The following IL1RAP variants were observed in gnomAD, a reference collection of about 807,000 sequenced individuals.
IL1RAP encodes interleukin-1 receptor accessory protein.
In IL1RAP, 35 loss-of-function variants were observed where a neutral mutation model predicts 60.7. The ratio of observed to expected loss-of-function variants is 0.58; its 90% confidence interval spans 0.44 to 0.76. IL1RAP has a LOEUF of 0.76. Ranked by LOEUF, IL1RAP falls within the 30% of genes least tolerant of loss-of-function variation. IL1RAP has a pLI of 0.00. For synonymous variants in IL1RAP, 268 were observed against 250.9 expected, an observed-to-expected ratio of 1.07 and a Z score of -0.64; for missense variants, 572 against 693.9, an observed-to-expected ratio of 0.82 and a Z score of 1.97.
intron 3 of IL1RAP, among the ~76,000 whole-genome samples, chr3:190,581,284 G>T (rs569685972): frequency 5.3e-5 from 8 of 152,290 alleles, no homozygotes; most frequent in South Asian, 2.1e-4. Context: ...GATAGTATCA[G>T]CCCTGCATAC....
chr3:190,646,888 G>A (rs1189841960), intron 11 of IL1RAP, among the ~76,000 whole-genome samples: 2 of 152,038 alleles, frequency 1.3e-5, no homozygotes, highest in Admixed American at 6.6e-5. Flanking sequence ...ATTTTTCCAG[G>A]AAGTTATGAC....
intron 1 of IL1RAP, among the ~76,000 whole-genome samples, chr3:190,530,666 C>T (rs1368782761): frequency 1.3e-5 from 2 of 152,134 alleles, no homozygotes; most frequent in East Asian, 1.9e-4. Flanking sequence ...ATTAGAACAT[C>T]GGCTTAAATG....
chr3:190,634,259 T>A (rs1171194923), intron 9 of IL1RAP, among the ~76,000 whole-genome samples: 1 of 152,062 alleles, frequency 6.6e-6, no homozygotes, highest in African/African-American at 2.4e-5. Context: ...ACTAATATTT[T>A]GTCACAGATT....
intron 9 of IL1RAP, 187 bp downstream of exon 9, chr3:190,629,685 GT>G (rs1471007570): frequency 3.0e-6 from 4 of 1,314,824 alleles, no homozygotes; most frequent in Non-Finnish European, 3.9e-6. Context: ...TCAAAATATT[GT>G]TTCTGATATT....
chr3:190,592,285 T>C (rs1172961225), intron 3 of IL1RAP, among the ~76,000 whole-genome samples: 1 of 152,202 alleles, frequency 6.6e-6, no homozygotes, highest in Non-Finnish European at 1.5e-5. Context: ...CAGAATTCAT[T>C]ATGTGGGCTT....
chr3:190,572,779 C>T (rs1386773358), intron 3 of IL1RAP, among the ~76,000 whole-genome samples: 1 of 150,888 alleles, frequency 6.6e-6, no homozygotes, highest in Non-Finnish European at 1.5e-5. Flanking sequence ...AAATAGAAAC[C>T]TTAAATATTC....
intron 5 of IL1RAP, among the ~76,000 whole-genome samples, chr3:190,617,579 A>G (rs1462705603): frequency 1.3e-5 from 2 of 152,094 alleles, no homozygotes; most frequent in Non-Finnish European, 2.9e-5. Flanking sequence ...CTTACTGTTC[A>G]CTCATTTCTT....
chr3:190,585,738 G>A (rs889787524), intron 3 of IL1RAP, among the ~76,000 whole-genome samples: 3 of 152,008 alleles, frequency 2.0e-5, no homozygotes, highest in Admixed American at 2.0e-4. Flanking sequence ...CTTGAACCCG[G>A]GAGGCTGAGG....
At chr3:190,532,388 G>A (rs978344295) in intron 1 of IL1RAP, among the ~76,000 whole-genome samples, 7 of 150,642 alleles carry the variant, frequency 4.6e-5, no homozygotes, top group South Asian at 2.1e-4. Flanking sequence ...TCAGCCTCCC[G>A]AGTAGCTGGG....
intron 3 of IL1RAP, among the ~76,000 whole-genome samples, chr3:190,567,467 G>T (rs1726518159): frequency 6.6e-6 from 1 of 152,184 alleles, no homozygotes; most frequent in Non-Finnish European, 1.5e-5. Flanking sequence ...AACTACCTTT[G>T]TTGGGTAAGA....
chr3:190,644,707 A>G (rs1444958343), intron 10 of IL1RAP, among the ~76,000 whole-genome samples: 2 of 152,216 alleles, frequency 1.3e-5, no homozygotes, highest in African/African-American at 4.8e-5. Flanking sequence ...AGTAAAAATA[A>G]CGAATTGACT....
chr3:190,613,454 T>C (rs1730995134), intron 5 of IL1RAP, among the ~76,000 whole-genome samples: 1 of 152,136 alleles, frequency 6.6e-6, no homozygotes, highest in African/African-American at 2.4e-5. Context: ...CATGTGATAG[T>C]TGAAGCACTT....
intron 1 of IL1RAP, among the ~76,000 whole-genome samples, chr3:190,549,902 G>T (rs1724713302): frequency 6.6e-6 from 1 of 152,182 alleles, no homozygotes; most frequent in African/African-American, 2.4e-5. Context: ...CATTTAAAGG[G>T]GTACGGAGTG....
At chr3:190,576,255 T>A (rs1407088054) in intron 3 of IL1RAP, among the ~76,000 whole-genome samples, 1 of 152,170 alleles carries the variant, frequency 6.6e-6, no homozygotes, top group East Asian at 1.9e-4. Flanking sequence ...CTGACATAAT[T>A]GACTACATAA....
At chr3:190,586,150 GC>G (rs1486491285) in intron 3 of IL1RAP, among the ~76,000 whole-genome samples, 1 of 152,164 alleles carries the variant, frequency 6.6e-6, no homozygotes, top group Non-Finnish European at 1.5e-5. Flanking sequence ...AATTAAAAGT[GC>G]CTTCTGCCCT....
downstream of IL1RAP, among the ~76,000 whole-genome samples, chr3:190,653,244 G>A (rs1734480535): frequency 6.6e-6 from 1 of 152,132 alleles, no homozygotes; most frequent in South Asian, 2.1e-4. Context: ...TTACTATTGT[G>A]TTCACTAGAC....
At chr3:190,589,955 C>T (rs976265510) in intron 3 of IL1RAP, among the ~76,000 whole-genome samples, 36 of 152,316 alleles carry the variant, frequency 2.4e-4, no homozygotes, top group African/African-American at 8.7e-4. Context: ...GTTTCCTGCC[C>T]TTGGCTCTGG....
intron 4 of IL1RAP, among the ~76,000 whole-genome samples, chr3:190,607,741 T>C (rs1730466266): frequency 6.6e-6 from 1 of 152,198 alleles, no homozygotes. Flanking sequence ...GTTTTTTTCC[T>C]TCATGCCTGA....
intron 9 of IL1RAP, among the ~76,000 whole-genome samples, chr3:190,641,742 A>G (rs1733677906): frequency 6.6e-6 from 1 of 152,224 alleles, no homozygotes; most frequent in Non-Finnish European, 1.5e-5. Context: ...CCATTACAAA[A>G]TGTTCATCCA....
Sources: gnomAD v4.1 joint callset for allele counts (sites outside exome capture counted in the v4.1 genomes callset) on GRCh38, gnomAD v4.1.1 for gene constraint, MANE v1.5 for transcripts, NCBI Gene and HGNC (gene_info 2026-07-23, HGNC 2026-07-21) for gene names.